The following MEIS2 variants were observed in gnomAD, a reference collection of about 807,000 sequenced individuals.
MEIS2 encodes Meis homeobox 2.
In MEIS2, 9 loss-of-function variants were observed where a neutral mutation model predicts 58.6. That is an observed-to-expected ratio of 0.15 (90% confidence interval 0.09 to 0.27). MEIS2 has a LOEUF of 0.27. Among genes scored for constraint, MEIS2 ranks in the 10% least tolerant of loss-of-function variants. The pLI is 1.00. For missense variants in MEIS2, 427 were observed against 635.0 expected, an observed-to-expected ratio of 0.67 and a Z score of 3.52; for synonymous variants, 221 against 228.4, an observed-to-expected ratio of 0.97 and a Z score of 0.29.
At chr15:37,035,268 G>A (rs1469991289) in intron 8 of MEIS2, among the ~76,000 whole-genome samples, 1 of 152,110 alleles carries the variant, frequency 6.6e-6, no homozygotes, top group Non-Finnish European at 1.5e-5. Context: ...CATTTTACAG[G>A]TTAGTAAATC....
intron 8 of MEIS2, among the ~76,000 whole-genome samples, chr15:36,962,431 C>T (rs2059216806): frequency 6.6e-6 from 1 of 152,130 alleles, no homozygotes; most frequent in African/African-American, 2.4e-5. Context: ...TGCATATAAC[C>T]TATGCACATC....
chr15:37,099,745 C>T lies in MEIS2; in HGVS notation c.-279G>A, dbSNP rs1567303528. Reference sequence around the variant, plus strand: ...CTCCACCTCCTCCTCCTCCCCCCTCCCCTCCTCCTCCTCTTCGGTCCTCCT... The same window carrying T: ...CTCCACCTCCTCCTCCTCCCCCCTCTCCTCCTCCTCCTCTTCGGTCCTCCT... On this transcript the variant is annotated 5_prime_UTR_variant, in exon 1 of 12. Transcript: ENST00000561208. 7.6e-6 allele frequency: 3 copies of T among 393,628 alleles called. No individual in the cohort carries two copies. The highest frequency in any genetic ancestry group is 1.4e-5 in the Non-Finnish European group (3 of 221,482). 24.4% of individuals were successfully genotyped at this position (393,628 alleles called of 1,614,324 possible).
chr15:36,903,956 G>T (rs560480212), intron 9 of MEIS2: 1 of 152,172 alleles, frequency 6.6e-6, no homozygotes, highest in Non-Finnish European at 1.5e-5. Context: ...CTGTGCTATG[G>T]ATATGTCTCT....
At chr15:37,065,427 T>G (rs1889798891) in intron 7 of MEIS2, among the ~76,000 whole-genome samples, 1 of 152,136 alleles carries the variant, frequency 6.6e-6, no homozygotes, top group Non-Finnish European at 1.5e-5. Context: ...CAAAAATAAC[T>G]CTCTCAGAAT....
At chr15:37,099,018 G>C (rs1403650141) in intron 1 of MEIS2, 46 of 982,836 alleles carry the variant, frequency 4.7e-5, no homozygotes, top group Non-Finnish European at 5.6e-5. Context: ...CGGCCCCAGC[G>C]GCGGCCCCGG....
At chr15:36,960,858 A>C (rs1174655608) in intron 8 of MEIS2, among the ~76,000 whole-genome samples, 2 of 152,198 alleles carry the variant, frequency 1.3e-5, no homozygotes, top group Non-Finnish European at 2.9e-5. Context: ...ATATCACCCA[A>C]GTGTTTACCT....
chr15:36,905,690 CAT>C (rs1008098099), intron 9 of MEIS2, among the ~76,000 whole-genome samples: 24 of 152,208 alleles, frequency 1.6e-4, no homozygotes, highest in African/African-American at 5.8e-4. Flanking sequence ...ATGTGTCACA[CAT>C]TGGTAAATCT....
chr15:36,939,181 C>T (rs1216765407), intron 9 of MEIS2, among the ~76,000 whole-genome samples: 1 of 152,214 alleles, frequency 6.6e-6, no homozygotes, highest in Non-Finnish European at 1.5e-5. Flanking sequence ...GCTACCCTCT[C>T]ACCTCAATAA....
chr15:36,904,882 A>G (rs1328497174), intron 9 of MEIS2, among the ~76,000 whole-genome samples: 1 of 152,224 alleles, frequency 6.6e-6, no homozygotes, highest in Non-Finnish European at 1.5e-5. Context: ...TCTTGCTAAG[A>G]ATTAAACTGG....
intron 7 of MEIS2, among the ~76,000 whole-genome samples, chr15:37,064,723 T>C (rs76842236): frequency 0.02 from 3,118 of 152,294 alleles, 40 homozygotes; most frequent in Non-Finnish European, 0.029. Context: ...ATGGATTGGA[T>C]TGGAGTATCA....
intron 7 of MEIS2, among the ~76,000 whole-genome samples, chr15:37,062,054 CCTA>C (rs777201852): frequency 5.9e-5 from 9 of 152,146 alleles, no homozygotes; most frequent in Non-Finnish European, 1.2e-4. Flanking sequence ...AGCTCAGAAG[CCTA>C]CTAAAGGTTT....
At chr15:37,066,124 C>A (rs1889889242) in intron 7 of MEIS2, among the ~76,000 whole-genome samples, 1 of 151,972 alleles carries the variant, frequency 6.6e-6, no homozygotes, top group South Asian at 2.1e-4. Flanking sequence ...CAAAGTGACC[C>A]TATGGATCTA....
At chr15:36,987,397 G>C (rs1389042665) in intron 8 of MEIS2, among the ~76,000 whole-genome samples, 2 of 106,348 alleles carry the variant, frequency 1.9e-5, no homozygotes, top group Non-Finnish European at 1.8e-5. Flanking sequence ...AACGGAGCAA[G>C]ACCCTGTCTC....
chr15:37,016,952 C>T (rs1049387712), intron 8 of MEIS2, among the ~76,000 whole-genome samples: 14 of 152,272 alleles, frequency 9.2e-5, no homozygotes, highest in South Asian at 4.1e-4. Flanking sequence ...AAATTATAAC[C>T]GGAAAGTATT....
At chr15:37,076,739 T>G (rs1444325310) in intron 7 of MEIS2, among the ~76,000 whole-genome samples, 1 of 152,132 alleles carries the variant, frequency 6.6e-6, no homozygotes, top group Non-Finnish European at 1.5e-5. Flanking sequence ...TATTAAATGG[T>G]CAGCTGTAAT....
In MEIS2 at chr15:36,889,878, T is replaced by C. The variant is rs1384601625; in HGVS notation, c.*2295A>G. The C allele has an allele frequency of 2.6e-5, 4 of 152,208 alleles. No individual in the cohort carries two copies. The highest frequency in any genetic ancestry group is 4.8e-5 in the African/African-American group (2 of 41,464). 9.4% of individuals were successfully genotyped at this position (152,208 alleles called of 1,614,324 possible). On this transcript the variant is annotated 3_prime_UTR_variant, in exon 12 of 12. Coordinates refer to ENST00000561208, the MANE Select transcript of MEIS2 (RefSeq NM_170675.5). ...AGGGAAGCTATCTCTCTTTCCCAAG[T>C]GGCACTGAATTTCTCTATTAAGTTA...
intron 11 of MEIS2, chr15:36,894,439 G>A (rs966861059): frequency 1.4e-5 from 3 of 212,692 alleles, no homozygotes; most frequent in African/African-American, 2.3e-5. Flanking sequence ...ATATCTGCCT[G>A]ATGTCTGTGT....
intron 9 of MEIS2, among the ~76,000 whole-genome samples, chr15:36,934,753 G>A (rs1376263300): frequency 6.6e-6 from 1 of 152,140 alleles, no homozygotes; most frequent in Non-Finnish European, 1.5e-5. Context: ...GTGGTTACAA[G>A]TTCATAGCCA....
chr15:37,100,053 T>A lies in MEIS2; in HGVS notation c.-587A>T, dbSNP rs1343205582. On this transcript the variant is annotated 5_prime_UTR_variant, in exon 1 of 12. Transcript: ENST00000561208. ...TCTTCCAGTAAAACTCCGCGAGGGG[T>A]TTCTGCTTCTTGAATTTTTTCCTCC... 1 of 149,814 alleles carries A rather than the reference T, an allele frequency of 6.7e-6. No homozygotes were observed. Among genetic ancestry groups the A allele is most frequent in the Non-Finnish European group, 1.5e-5 (1 of 67,750 alleles). The allele number at this position is 149,814 out of a possible 1,614,324, so 9.3% of individuals were successfully genotyped here. A position where few individuals can be genotyped will look rare whatever the true frequency, so the allele number is the denominator to read the frequency against.
Sources: gnomAD v4.1 joint callset for allele counts (sites outside exome capture counted in the v4.1 genomes callset) on GRCh38, gnomAD v4.1.1 for gene constraint, MANE v1.5 for transcripts, NCBI Gene and HGNC (gene_info 2026-07-23, HGNC 2026-07-21) for gene names.